SEPTIN8: variants seen among roughly 807,000 people sequenced by gnomAD.
SEPTIN8 encodes septin-8.
A neutral mutation model predicts 53.1 loss-of-function variants in SEPTIN8; 22 were observed. The observed-to-expected ratio is 0.41, with a 90% CI of 0.30 to 0.59. The LOEUF is 0.59. SEPTIN8 is among the 20% of genes least tolerant of loss of function. The pLI, the probability that SEPTIN8 is intolerant of heterozygous loss-of-function variation, is 0.24. For synonymous variants in SEPTIN8, 228 were observed against 248.4 expected, an observed-to-expected ratio of 0.92 and a Z score of 0.77; for missense variants, 536 against 638.7, an observed-to-expected ratio of 0.84 and a Z score of 1.73.
intron 9 of SEPTIN8, among the ~76,000 whole-genome samples, chr5:132,759,593 C>T (rs1399830083): frequency 6.6e-6 from 1 of 152,202 alleles, no homozygotes; most frequent in Non-Finnish European, 1.5e-5. Flanking sequence ...GGGTCACAGA[C>T]TCCCGCTGGC....
chr5:132,764,417 C>A lies in SEPTIN8; in HGVS notation c.154G>T (p.Glu52Ter), dbSNP rs771313958. ...GFSFNILCVGETGIGKSTLMN... is the reference protein window; with the variant it reads ...GFSFNILCVG Reference sequence around the variant, plus strand: ...AGTGTGGATTTGCCAATGCCGGTCTCCCCTGGGCAGTGAGGACAGGAGGGG... The same window carrying A: ...AGTGTGGATTTGCCAATGCCGGTCTACCCTGGGCAGTGAGGACAGGAGGGG... The change falls in exon 3 of 10, where the codon GAG becomes TAG. Residue 52 changes from glutamate to a stop codon, truncating the protein, a stop_gained and splice_region_variant. Transcript: ENST00000378719. LOFTEE classifies it high-confidence loss of function. The A allele has an allele frequency of 6.2e-7, 1 of 1,611,844 alleles. No individual in the cohort carries two copies. Among genetic ancestry groups the A allele is most frequent in the Non-Finnish European group, 8.5e-7 (1 of 1,178,630 alleles).
rs199585296 is a variant in SEPTIN8, at chr5:132,762,481, C to T, written c.696+3G>A. ...GGCCCTGAGGCCCTCACCCAACGCT[C>T]ACATTCATGACTGCGTTAATCTCTG... On this transcript the variant is annotated splice_donor_region_variant and intron_variant, in intron 5 of 9. Coordinates refer to ENST00000378719, the MANE Select transcript of SEPTIN8 (RefSeq NM_001098811.2). 8 of 1,614,008 alleles carry T rather than the reference C, an allele frequency of 5.0e-6. No individual in the cohort carries two copies. The highest frequency in any genetic ancestry group is 2.2e-5 in the East Asian group (1 of 44,898).
rs1755904138 is a variant in SEPTIN8 at position 132,761,197 on chromosome 5, A to G, written c.1031T>C (p.Met344Thr). 6.2e-7 allele frequency: 1 copy of G among 1,613,828 alleles called. No homozygotes were observed. Among genetic ancestry groups the G allele is most frequent in the Admixed American group, 1.7e-5 (1 of 59,992 alleles). Residue 344 changes from methionine (M) to threonine (T), a missense_variant, in exon 8 of 10, where the codon ATG becomes ACG. Physicochemically the swap from Met to Thr is moderately conservative, Grantham distance 81. Transcript: ENST00000378719. This position sits in a 1 kb window ranked among gnomAD's most constrained non-coding sequence, Gnocchi z 5.8. ...LSELQRKEEE[M>T]RQMFVNKVKE... Reference sequence around the variant, plus strand: ...CACTTTGTTGACAAACATCTGCCTCATCTCTTCCTCCTTCCTCTGCAGCTC... The same window carrying G: ...CACTTTGTTGACAAACATCTGCCTCGTCTCTTCCTCCTTCCTCTGCAGCTC...
chr5:132,766,815 C>T (rs2149985651), intron 1 of SEPTIN8, among the ~76,000 whole-genome samples: 1 of 152,254 alleles, frequency 6.6e-6, no homozygotes, highest in Non-Finnish European at 1.5e-5. Flanking sequence ...AGAAGCATCT[C>T]CTCAGCACCT....
chr5:132,762,942 T>C (rs769686001), intron 4 of SEPTIN8, among the ~76,000 whole-genome samples: 3 of 152,144 alleles, frequency 2.0e-5, no homozygotes, highest in Admixed American at 1.3e-4. Context: ...CCAGAATCCT[T>C]TGAAGGTCCT....
chr5:132,752,265 A>T, intron 9 of SEPTIN8, 84 bp from the exon 10 acceptor site: 1 of 1,472,390 alleles, frequency 6.8e-7, no homozygotes, highest in Non-Finnish European at 9.1e-7. Context: ...TCTGACCCCA[A>T]AGGGGTACCC....
chr5:132,756,379 G>A (rs1041707519), intron 9 of SEPTIN8: 3 of 984,220 alleles, frequency 3.0e-6, no homozygotes, highest in African/African-American at 1.7e-5. Context: ...TTTGGGCAAC[G>A]AATTATATGG....
intron 1 of SEPTIN8, 89 bp from the exon 2 acceptor site, chr5:132,765,618 T>TG: frequency 7.0e-7 from 1 of 1,422,196 alleles, no homozygotes; most frequent in South Asian, 1.4e-5. Flanking sequence ...GTTAAAACAG[T>TG]GAAGCAGCCC....
chr5:132,768,299 G>C (rs1055527882), intron 1 of SEPTIN8, among the ~76,000 whole-genome samples: 1 of 151,864 alleles, frequency 6.6e-6, no homozygotes, highest in African/African-American at 2.4e-5. Flanking sequence ...TCAGGGGTAT[G>C]AGTCTATGGA....
At chr5:132,775,370 G>A (rs1487962948) in intron 1 of SEPTIN8, among the ~76,000 whole-genome samples, 2 of 152,148 alleles carry the variant, frequency 1.3e-5, no homozygotes, top group Admixed American at 6.5e-5. Flanking sequence ...TCACATCCAC[G>A]TGGACAATAG....
rs764058350 is a variant in SEPTIN8, at chr5:132,751,272, A to T, written c.*744T>A. The T allele has an allele frequency of 2.8e-6, 1 of 356,120 alleles. No individual in the cohort carries two copies. The highest frequency in any genetic ancestry group is 2.1e-5 in the African/African-American group (1 of 47,700). The allele number at this position is 356,120 out of a possible 1,614,324, so 22.1% of individuals were successfully genotyped here. On this transcript the variant is annotated 3_prime_UTR_variant, in exon 10 of 10. Coordinates refer to ENST00000378719, the MANE Select transcript of SEPTIN8 (RefSeq NM_001098811.2). The stretch of plus-strand genomic sequence containing the variant: ...TGGTGAGTTTCTCTTTTAAATACAC[A>T]CTGCAAAAATATTTAACTTTCCATT...
intron 9 of SEPTIN8, chr5:132,754,422 G>C: frequency 1.4e-6 from 1 of 717,448 alleles, no homozygotes; most frequent in South Asian, 1.5e-5. Flanking sequence ...ACCAGTTTAG[G>C]CATCCCAGGC....
In SEPTIN8 at chr5:132,751,095, G is replaced by A. The variant is rs1357704052; in HGVS notation, c.*921C>T. On this transcript the variant is annotated 3_prime_UTR_variant, in exon 10 of 10. Transcript: ENST00000378719. ...GATGGCAAAGCACAGGCGTGCACAC[G>A]CCCTTGCACATGCACCACAGTGAGG... 5.8e-6 allele frequency: 8 copies of A among 1,389,092 alleles called. No individual in the cohort carries two copies. The highest frequency in any genetic ancestry group is 2.1e-5 in the Admixed American group (1 of 47,554). The allele number at this position is 1,389,092 out of a possible 1,614,324, so 86.0% of individuals were successfully genotyped here.
chr5:132,761,401 G>A lies in SEPTIN8; in HGVS notation c.962+57C>T, dbSNP rs1373008407. 6.3e-7 allele frequency: 1 copy of A among 1,587,698 alleles called. No individual in the cohort carries two copies. The highest frequency in any genetic ancestry group is 8.6e-7 in the Non-Finnish European group (1 of 1,168,702). Reference sequence around the variant, plus strand: ...GGGGTCCCTCAGGGAACAGATGCCAGGGTGGTGTGTCTGGCCACAGCTGTG... The same window carrying A: ...GGGGTCCCTCAGGGAACAGATGCCAAGGTGGTGTGTCTGGCCACAGCTGTG... On this transcript the variant is annotated intron_variant, in intron 7 of 9. Transcript: ENST00000378719. The surrounding 1 kb of genome is among the most constrained non-coding windows in gnomAD (Gnocchi z 5.8).
upstream of SEPTIN8, among the ~76,000 whole-genome samples, chr5:132,778,657 C>G (rs139512494): frequency 7.3e-3 from 1,114 of 152,310 alleles, 7 homozygotes; most frequent in African/African-American, 0.025. Flanking sequence ...TTAACCTTAG[C>G]TAGGCAAGTT....
At chr5:132,756,513 G>A in intron 9 of SEPTIN8, 5 of 985,434 alleles carry the variant, frequency 5.1e-6, no homozygotes, top group Non-Finnish European at 6.0e-6. Flanking sequence ...GGGTAAATGA[G>A]ACTCTGCAGA....
intron 9 of SEPTIN8, chr5:132,757,709 A>T: frequency 7.1e-6 from 7 of 985,316 alleles, no homozygotes; most frequent in Non-Finnish European, 8.4e-6. Context: ...CAACACTGAC[A>T]TTCTTGGTGG....
chr5:132,779,402 A>G (rs1186670939), upstream of SEPTIN8, among the ~76,000 whole-genome samples: 2 of 152,216 alleles, frequency 1.3e-5, no homozygotes, highest in African/African-American at 4.8e-5. Context: ...GGTTCTGTAG[A>G]AGTCCTCAGC....
chr5:132,765,343 A>G, intron 2 of SEPTIN8, 66 bp downstream of exon 2: 1 of 1,583,622 alleles, frequency 6.3e-7, no homozygotes. Context: ...ACAGGGGGCC[A>G]GAAGCACCCC....
Sources: gnomAD v4.1 joint callset for allele counts (sites outside exome capture counted in the v4.1 genomes callset) on GRCh38, gnomAD v4.1.1 for gene constraint, Gnocchi (gnomAD v3.1) non-coding constraint, MANE v1.5 for transcripts, NCBI Gene and HGNC (gene_info 2026-07-23, HGNC 2026-07-21) for gene names.